DST: variants seen among roughly 807,000 people sequenced by gnomAD.
DST encodes the protein bullous pemphigoid antigen.
In DST, 253 loss-of-function variants were observed where a neutral mutation model predicts 875.2. The observed-to-expected ratio is 0.29, with a 90% confidence interval of 0.26 to 0.32. DST has a LOEUF of 0.32. Ranked by LOEUF, DST falls within the 10% of genes least tolerant of loss-of-function variation. The probability of loss-of-function intolerance (pLI) is 1.00; values close to 1 mark genes in which losing one functional copy is unlikely to be tolerated. For missense variants in DST, 8,287 were observed against 9,111.6 expected (o/e 0.91, Z 3.68); for synonymous variants, 3,124 against 3,197.1 (o/e 0.98, Z 0.77).
At chr6:56,823,691 G>T (rs2099775864) in intron 4 of DST, among the ~76,000 whole-genome samples, 1 of 152,100 alleles carries the variant, frequency 6.6e-6, no homozygotes, top group Admixed American at 6.5e-5. Flanking sequence ...TTACAGGGGT[G>T]AGCCACCACA....
chr6:56,609,187 T>C lies in DST; in HGVS notation c.5441A>G (p.Lys1814Arg). ...ISGLISPELRKCFDLKDAKSH... is the reference protein window; with the variant it reads ...ISGLISPELRRCFDLKDAKSH... Reference sequence around the variant, plus strand: ...TTTGGCATCTTTAAGGTCAAAGCACTTTCTTAATTCTGGTGAAATTAGACC... The same window carrying C: ...TTTGGCATCTTTAAGGTCAAAGCACCTTCTTAATTCTGGTGAAATTAGACC... The change falls in exon 40 of 104, where the codon AAG becomes AGG. Residue 1814 changes from lysine to arginine, a missense_variant. Physicochemically the swap from Lys to Arg is conservative, Grantham distance 26. Around this residue, in one of 10 missense-constraint regions of DST, gnomAD observed 3,138 missense variants for 3,116.6 expected, o/e 1.01. Coordinates refer to ENST00000680361, the MANE Select transcript of DST (RefSeq NM_001374736.1). 6.2e-7 allele frequency: 1 copy of C among 1,613,868 alleles called. No individual in the cohort carries two copies. Among genetic ancestry groups the C allele is most frequent in the East Asian group, 2.2e-5 (1 of 44,880 alleles).
intron 10 of DST, among the ~76,000 whole-genome samples, chr6:56,663,797 C>T (rs542267229): frequency 6.6e-6 from 1 of 152,218 alleles, no homozygotes; most frequent in South Asian, 2.1e-4. Context: ...CAACTACATA[C>T]TCAGACAAGT....
intron 72 of DST, among the ~76,000 whole-genome samples, chr6:56,515,140 G>C (rs765389481): frequency 6.6e-6 from 1 of 152,138 alleles, no homozygotes; most frequent in Non-Finnish European, 1.5e-5. Flanking sequence ...TGTGTAAATT[G>C]AAAGCACTTC....
At chr6:56,482,536 G>T (rs2095435963) in intron 89 of DST, 147 bp downstream of exon 89, 2 of 747,588 alleles carry the variant, frequency 2.7e-6, no homozygotes, top group South Asian at 2.4e-5. Flanking sequence ...GTGGGAGAAG[G>T]ATCAAGGCAA....
chr6:56,871,173 C>T (rs1337244698), intron 3 of DST: 6 of 722,944 alleles, frequency 8.3e-6, no homozygotes, highest in Admixed American at 7.4e-5. Flanking sequence ...CCTAAGTGGC[C>T]TGAGGTAGTC....
intron 3 of DST, among the ~76,000 whole-genome samples, chr6:56,889,267 T>C (rs987261151): frequency 2.0e-5 from 3 of 152,226 alleles, no homozygotes; most frequent in Non-Finnish European, 4.4e-5. Flanking sequence ...ATCTAATAGT[T>C]ATTTCAAACT....
chr6:56,947,919 T>C (rs13198484), intron 2 of DST, among the ~76,000 whole-genome samples: 18,016 of 152,336 alleles, frequency 0.12, 1,374 homozygotes, highest in Middle Eastern at 0.2. Context: ...TGAATAGTAC[T>C]AAACCCTATA....
intron 49 of DST, among the ~76,000 whole-genome samples, chr6:56,582,632 G>A (rs185641474): frequency 1.5e-4 from 22 of 150,448 alleles, no homozygotes; most frequent in South Asian, 6.3e-4. Context: ...TTTAGGGTAC[G>A]TGTGCACAAT....
chr6:56,761,285 G>A (rs903459714), intron 4 of DST, among the ~76,000 whole-genome samples: 2 of 152,124 alleles, frequency 1.3e-5, no homozygotes, highest in East Asian at 1.9e-4. Context: ...TCCCAAATTC[G>A]TGGCCCACAG....
intron 9 of DST, among the ~76,000 whole-genome samples, chr6:56,684,331 A>G (rs1263529623): frequency 6.6e-6 from 1 of 152,260 alleles, no homozygotes; most frequent in Non-Finnish European, 1.5e-5. Flanking sequence ...AAATAACTGT[A>G]TAATTTAAAG....
At chr6:56,560,226 G>C (rs938666474) in intron 58 of DST, 68 bp downstream of exon 58, 2 of 1,379,126 alleles carry the variant, frequency 1.5e-6, no homozygotes, top group African/African-American at 2.9e-5. Context: ...TTCTGATAAA[G>C]ATCATGATAA....
chr6:56,740,968 A>G (rs1400223140), intron 4 of DST, among the ~76,000 whole-genome samples: 2 of 152,146 alleles, frequency 1.3e-5, no homozygotes, highest in Non-Finnish European at 2.9e-5. Context: ...AAGTCACAAA[A>G]TAAATTTAAT....
chr6:56,937,548 A>G (rs1592704888), intron 2 of DST, among the ~76,000 whole-genome samples: 1 of 152,206 alleles, frequency 6.6e-6, no homozygotes, highest in African/African-American at 2.4e-5. Flanking sequence ...CCCCACATAC[A>G]CTGCTGATGA....
chr6:56,868,737 C>T lies in DST; in HGVS notation c.418-17133G>A, dbSNP rs76712636. Among the ~76,000 whole-genome samples the T allele has an allele frequency of 8.3e-3, 1,264 of 152,280 alleles. 19 individuals are homozygous for T. The highest frequency in any genetic ancestry group is 0.029 in the African/African-American group (1,206 of 41,546). ...TTTTATCACAAAAATATTCCATGAA[C>T]ATTTTCTCTATTGGAGTTTTAGGTT... On this transcript the variant is annotated intron_variant, in intron 3 of 103. Coordinates refer to ENST00000680361, the MANE Select transcript of DST (RefSeq NM_001374736.1).
chr6:56,698,502 T>C (rs1327792294), intron 9 of DST, among the ~76,000 whole-genome samples: 1 of 152,116 alleles, frequency 6.6e-6, no homozygotes, highest in East Asian at 1.9e-4. Flanking sequence ...ATTTTTTGTA[T>C]TTCTTAGTAG....
chr6:56,672,703 T>G (rs1370554276), intron 9 of DST, among the ~76,000 whole-genome samples: 1 of 152,006 alleles, frequency 6.6e-6, no homozygotes, highest in African/African-American at 2.4e-5. Flanking sequence ...TACCATGTTG[T>G]GAGAATTCAA....
intron 10 of DST, among the ~76,000 whole-genome samples, chr6:56,652,023 C>T (rs901399546): frequency 6.6e-6 from 1 of 152,158 alleles, no homozygotes; most frequent in African/African-American, 2.4e-5. Flanking sequence ...TAGGTTGGTT[C>T]CTTAGTAATC....
Position 56,529,511 on chromosome 6 carries a change from C to G in DST, c.17532G>C (p.Leu5844=), listed in dbSNP as rs1248006850. 6.2e-7 allele frequency: 1 copy of G among 1,611,092 alleles called. No individual in the cohort carries two copies. Among genetic ancestry groups the G allele is most frequent in the Non-Finnish European group, 8.5e-7 (1 of 1,178,454 alleles). Residue 5844 remains leucine, a synonymous_variant, in exon 66 of 104, where the codon CTG becomes CTC. Coordinates refer to ENST00000680361, the MANE Select transcript of DST (RefSeq NM_001374736.1). ...TGTAATCCTGGACTGAGAGCTTGCT[C>G]AGTTTGTCATGCACTTCATTCAGCC... ...MNWLNEVHDK[L]SKLSVQDYST...
At chr6:56,845,613 CCTT>C (rs1591603873) in intron 4 of DST, among the ~76,000 whole-genome samples, 1 of 152,210 alleles carries the variant, frequency 6.6e-6, no homozygotes, top group Non-Finnish European at 1.5e-5. Context: ...ATATGGGACA[CCTT>C]CTTGAAATAA....
Sources: gnomAD v4.1 joint callset for allele counts (sites outside exome capture counted in the v4.1 genomes callset) on GRCh38, gnomAD v4.1.1 for gene constraint, gnomAD v4.1.1 regional missense constraint, MANE v1.5 for transcripts, NCBI Gene and HGNC (gene_info 2026-07-23, HGNC 2026-07-21) for gene names.